The following DIP2C variants were observed in gnomAD, a reference collection of about 807,000 sequenced individuals.
DIP2C encodes DIP2 acetate--CoA ligase C (putative), also known as disco-interacting protein 2 homolog C.
DIP2C carries 33 observed loss-of-function variants against 192.4 expected under a neutral mutation model. That is an observed-to-expected ratio of 0.17 (90% confidence interval 0.13 to 0.23). DIP2C has a LOEUF of 0.23. Ranked by LOEUF, DIP2C falls within the 10% of genes least tolerant of loss-of-function variation. The pLI is 1.00. For missense variants in DIP2C, 1,537 were observed against 2,110.1 expected, an observed-to-expected ratio of 0.73 and a Z score of 5.32; for synonymous variants, 979 against 864.1, an observed-to-expected ratio of 1.13 and a Z score of -2.33.
chr10:424,037 G>C (rs1354374295), intron 4 of DIP2C, among the ~76,000 whole-genome samples: 1 of 152,044 alleles, frequency 6.6e-6, no homozygotes, highest in Non-Finnish European at 1.5e-5. Flanking sequence ...TTTTCATGCA[G>C]TACCAAGGTT....
intron 3 of DIP2C, among the ~76,000 whole-genome samples, chr10:468,019 G>A (rs1970361201): frequency 6.6e-6 from 1 of 152,168 alleles, no homozygotes; most frequent in African/African-American, 2.4e-5. Flanking sequence ...TGCAAGATGA[G>A]TGGTCACAGA....
intron 19 of DIP2C, among the ~76,000 whole-genome samples, chr10:365,613 G>A (rs1564619654): frequency 6.6e-6 from 1 of 152,224 alleles, no homozygotes; most frequent in East Asian, 1.9e-4. Flanking sequence ...TAACTTAAAT[G>A]TTGTGCTACT....
At chr10:351,815 G>A (rs533221673) in intron 24 of DIP2C, among the ~76,000 whole-genome samples, 1 of 152,116 alleles carries the variant, frequency 6.6e-6, no homozygotes, top group East Asian at 1.9e-4. Context: ...CAGCCCACCG[G>A]CTCCTTGCCG....
chr10:675,469 T>A (rs1174626617), intron 1 of DIP2C, among the ~76,000 whole-genome samples: 1 of 149,560 alleles, frequency 6.7e-6, no homozygotes, highest in Non-Finnish European at 1.5e-5. Flanking sequence ...AACTAAAAAA[T>A]ACAAAAGATG....
rs1253106069 is a variant in DIP2C at position 402,308 on chromosome 10, G to A, written c.1150-3089C>T. ...GTGTTCATCAGCACATGAATCATGT[G>A]ATTTTACATGTGTGGTAGCATTAGC... On this transcript the variant is annotated intron_variant, in intron 9 of 36. Coordinates refer to ENST00000280886, the MANE Select transcript of DIP2C (RefSeq NM_014974.3). 1.7e-3 allele frequency among the ~76,000 whole-genome samples: 22 copies of A among 12,646 alleles called. No individual in the cohort carries two copies. In the Non-Finnish European group the frequency reaches 0.058, roughly 34 times the overall value. The allele number at this position is 12,646 out of a possible 152,430, so 8.3% of individuals were successfully genotyped here.
intron 8 of DIP2C, among the ~76,000 whole-genome samples, chr10:411,519 G>A (rs10904166): frequency 0.3 from 46,269 of 152,106 alleles, 8,166 homozygotes; most frequent in Non-Finnish European, 0.41. Context: ...TTCGTAGGAA[G>A]CTAAATTTGG....
At chr10:382,424 C>G in intron 17 of DIP2C, 1 of 464,570 alleles carries the variant, frequency 2.2e-6, no homozygotes, top group Non-Finnish European at 3.8e-6. Context: ...TAAGGAATTA[C>G]CGTGAAACTG....
At chr10:321,636 C>G (rs1363127090) in intron 31 of DIP2C, among the ~76,000 whole-genome samples, 5 of 105,840 alleles carry the variant, frequency 4.7e-5, no homozygotes, top group African/African-American at 7.6e-5. Context: ...GTGCGGGGCT[C>G]CGGCGAGAGA....
At chr10:421,874 G>A (rs187476115) in intron 5 of DIP2C, among the ~76,000 whole-genome samples, 3 of 152,244 alleles carry the variant, frequency 2.0e-5, no homozygotes, top group East Asian at 1.9e-4. Flanking sequence ...GACAGAAAAC[G>A]GCCGACGCTT....
At chr10:433,335 C>T (rs1966913887) in intron 4 of DIP2C, among the ~76,000 whole-genome samples, 1 of 152,184 alleles carries the variant, frequency 6.6e-6, no homozygotes, top group Non-Finnish European at 1.5e-5. Flanking sequence ...GGTAACTTCC[C>T]TTGATGTAAA....
Position 544,019 on chromosome 10 carries a change from CGTGACCTTTGGT to C in DIP2C, c.86-57501_86-57490del, listed in dbSNP as rs528925407. ...TGGGCACATAGTGCGTGACCTTTGACGTGACCTTTGGTGCCAGCATCTTTCACGTTCAAGGTG... is the reference window on the plus strand; with the variant it reads ...TGGGCACATAGTGCGTGACCTTTGACGCCAGCATCTTTCACGTTCAAGGTG... On this transcript the variant is annotated intron_variant, in intron 1 of 36. Transcript: ENST00000280886. 1.6e-3 allele frequency among the ~76,000 whole-genome samples: 245 copies of C among 152,364 alleles called. 2 individuals carry two copies. Among genetic ancestry groups the C allele is most frequent in the Non-Finnish European group, 2.3e-3 (158 of 68,034 alleles).
Position 666,233 on chromosome 10 carries a change from C to T in DIP2C, c.85+23261G>A, listed in dbSNP as rs1564323950. 1 of 152,156 alleles carries T rather than the reference C, an allele frequency of 6.6e-6. No homozygotes were observed. 9.4% of individuals were successfully genotyped at this position (152,156 alleles called of 1,614,324 possible). On this transcript the variant is annotated intron_variant, in intron 1 of 36. Transcript: ENST00000280886. The surrounding 1 kb of genome is among the most constrained non-coding windows in gnomAD (Gnocchi z 4.1). ...ATTCCTTCAGCACCTACCGGGAAAG[C>T]GAGAAGAAAGCAAAGGGCATCACTC...
intron 2 of DIP2C, among the ~76,000 whole-genome samples, chr10:473,675 CCA>C (rs917615327): frequency 8.5e-5 from 13 of 152,248 alleles, no homozygotes; most frequent in African/African-American, 3.1e-4. Flanking sequence ...TACGTCGTCC[CCA>C]CAGTTCCATG....
intron 1 of DIP2C, among the ~76,000 whole-genome samples, chr10:607,153 G>C (rs752080777): frequency 6.6e-6 from 1 of 152,210 alleles, no homozygotes; most frequent in African/African-American, 2.4e-5. Flanking sequence ...AGTCCGCTGA[G>C]ATTTCCAAAG....
chr10:492,656 G>T (rs1237479171), intron 1 of DIP2C, among the ~76,000 whole-genome samples: 1 of 152,188 alleles, frequency 6.6e-6, no homozygotes, highest in Non-Finnish European at 1.5e-5. Flanking sequence ...GAGCAGGAAA[G>T]AAACACATTT....
At position 513,123 on chromosome 10, in the gene DIP2C, T is replaced by A. The variant is rs563909172; in HGVS notation, c.86-26593A>T. Among the ~76,000 whole-genome samples, 3 of 152,308 alleles carry A rather than the reference T, an allele frequency of 2.0e-5. No homozygotes were observed. In the East Asian group the frequency reaches 5.8e-4, roughly 29 times the overall value. On this transcript the variant is annotated intron_variant, in intron 1 of 36. Coordinates refer to ENST00000280886, the MANE Select transcript of DIP2C (RefSeq NM_014974.3). ...CATGCATTTTAAGAGTGCTACATTA[T>A]ATTTTTTAAGCATCTGTATCCAATA...
At chr10:300,420 A>C (rs1464278980) in intron 32 of DIP2C, among the ~76,000 whole-genome samples, 2 of 152,244 alleles carry the variant, frequency 1.3e-5, no homozygotes, top group South Asian at 2.1e-4. Flanking sequence ...GACTCAACTT[A>C]CATGAGGTAC....
intron 1 of DIP2C, among the ~76,000 whole-genome samples, chr10:679,397 A>ATCTC (rs1564336315): frequency 2.6e-5 from 1 of 38,578 alleles, no homozygotes; most frequent in Non-Finnish European, 5.1e-5. Flanking sequence ...CCCCGCGCCC[A>ATCTC]TGCTCCCCAC....
intron 1 of DIP2C, among the ~76,000 whole-genome samples, chr10:671,430 C>T (rs1243726741): frequency 7.7e-6 from 1 of 129,144 alleles, no homozygotes; most frequent in South Asian, 2.8e-4. Flanking sequence ...GAGGAAACGT[C>T]ACAGACGCAC....
Sources: allele counts gnomAD v4.1 joint callset (sites outside exome capture counted in the v4.1 genomes callset), GRCh38; gene constraint gnomAD v4.1.1; non-coding constraint Gnocchi (gnomAD v3.1); transcripts MANE v1.5; gene names NCBI Gene and HGNC (gene_info 2026-07-23, HGNC 2026-07-21).